The following GALNT11 variants were observed in gnomAD, a reference collection of about 807,000 sequenced individuals.
GALNT11 encodes UDP-GalNAc:polypeptide N-acetylgalactosaminyltransferase 11.
GALNT11 carries 47 observed loss-of-function variants against 72.7 expected under a neutral mutation model. The ratio of observed to expected loss-of-function variants is 0.65; its 90% CI spans 0.51 to 0.82. The LOEUF (loss-of-function observed/expected upper bound fraction) is 0.82. Ranked by LOEUF, GALNT11 falls within the 40% of genes least tolerant of loss-of-function variation. GALNT11 has a pLI of 0.00. For missense variants in GALNT11, 677 were observed against 778.4 expected, an observed-to-expected ratio of 0.87 and a Z score of 1.55; for synonymous variants, 270 against 286.6, an observed-to-expected ratio of 0.94 and a Z score of 0.58.
intron 1 of GALNT11, among the ~76,000 whole-genome samples, chr7:152,082,857 T>C (rs952238987): frequency 6.6e-6 from 1 of 152,240 alleles, no homozygotes; most frequent in African/African-American, 2.4e-5. Flanking sequence ...GGAAATGATA[T>C]TTCAATGTAA....
intron 1 of GALNT11, among the ~76,000 whole-genome samples, chr7:152,056,100 T>C (rs2083663545): frequency 6.6e-6 from 1 of 152,156 alleles, no homozygotes; most frequent in South Asian, 2.1e-4. Context: ...GTAAGTAAGC[T>C]TTTAGGATTA....
chr7:152,097,600 A>C (rs576864535), intron 2 of GALNT11, among the ~76,000 whole-genome samples: 1 of 152,380 alleles, frequency 6.6e-6, no homozygotes, highest in African/African-American at 2.4e-5. Context: ...CATGTTATCC[A>C]AATATCCATC....
chr7:152,042,270 A>C (rs536391416), intron 1 of GALNT11, among the ~76,000 whole-genome samples: 2 of 152,260 alleles, frequency 1.3e-5, no homozygotes, highest in Non-Finnish European at 2.9e-5. Flanking sequence ...TTTTGGAATC[A>C]TAGCAGGAGA....
chr7:152,110,644 G>C lies in GALNT11; in HGVS notation c.1079G>C (p.Arg360Pro), dbSNP rs760663128. 6.3e-7 allele frequency: 1 copy of C among 1,588,002 alleles called. No homozygotes were observed. The highest frequency in any genetic ancestry group is 1.3e-5 in the African/African-American group (1 of 74,164). Reference protein sequence around the residue: ...WGGENLEISFRIWMCGGKLFI... With the variant: ...WGGENLEISFPIWMCGGKLFI... Reference sequence around the variant, plus strand: ...GGAGAAAATTTGGAAATATCATTTCGGGTAATTTAATTTTTGCATGCTCAA... The same window carrying C: ...GGAGAAAATTTGGAAATATCATTTCCGGTAATTTAATTTTTGCATGCTCAA... Residue 360 changes from arginine (R) to proline (P), a missense_variant and splice_region_variant, in exon 7 of 12, where the codon CGG becomes CCG. Coordinates refer to ENST00000430044, the MANE Select transcript of GALNT11 (RefSeq NM_022087.4).
chr7:152,053,008 G>A (rs1204879531), intron 1 of GALNT11, among the ~76,000 whole-genome samples: 1 of 151,988 alleles, frequency 6.6e-6, no homozygotes, highest in African/African-American at 2.4e-5. Context: ...GACGAGTGCG[G>A]GCAGTTCTCC....
At position 152,088,103 on chromosome 7, in the gene GALNT11, G is replaced by A. The variant is rs186176561; in HGVS notation, c.-38-6087G>A. On this transcript the variant is annotated intron_variant, in intron 1 of 11. Transcript: ENST00000430044. Reference sequence around the variant, plus strand: ...TTTAGCATAGCTGGCGTGGAGCCCTGGGAATCTGTATTTTTAATAAATACT... The same window carrying A: ...TTTAGCATAGCTGGCGTGGAGCCCTAGGAATCTGTATTTTTAATAAATACT... Among the ~76,000 whole-genome samples the A allele has an allele frequency of 2.5e-3, 380 of 152,208 alleles. 8 individuals carry two copies. Among genetic ancestry groups the A allele is most frequent in the Admixed American group, 0.02 (309 of 15,284 alleles).
chr7:152,118,712 C>A lies in GALNT11; in HGVS notation c.1487C>A (p.Ala496Asp). ...YHLQTNKCLV[A>D]QGRPSQKGGL... is the part of the protein sequence containing the mutation. ...CTCCAGACCAACAAATGCCTGGTGG[C>A]CCAGGGCCGCCCAAGTCAGAAGGGA... Residue 496 changes from alanine (A) to aspartate (D), a missense_variant, in exon 10 of 12, where the codon GCC becomes GAC. By Grantham distance (126) the Ala-to-Asp change is moderately radical. Coordinates refer to ENST00000430044, the MANE Select transcript of GALNT11 (RefSeq NM_022087.4). The A allele has an allele frequency of 6.2e-7, 1 of 1,610,378 alleles. No homozygotes were observed. Among genetic ancestry groups the A allele is most frequent in the Non-Finnish European group, 8.5e-7 (1 of 1,178,458 alleles).
intron 1 of GALNT11, among the ~76,000 whole-genome samples, chr7:152,060,391 T>G (rs914592717): frequency 3.3e-5 from 5 of 152,226 alleles, no homozygotes; most frequent in African/African-American, 1.2e-4. Flanking sequence ...GTTCACAACT[T>G]GGCTGTTTGG....
At chr7:152,092,306 C>G (rs1008071944) in intron 1 of GALNT11, among the ~76,000 whole-genome samples, 5 of 151,552 alleles carry the variant, frequency 3.3e-5, no homozygotes, top group African/African-American at 1.2e-4. Flanking sequence ...TTTTTTTTGT[C>G]TTTTCATTTG....
intron 1 of GALNT11, among the ~76,000 whole-genome samples, chr7:152,052,697 A>G (rs1197788073): frequency 6.6e-6 from 1 of 152,116 alleles, no homozygotes; most frequent in Non-Finnish European, 1.5e-5. Flanking sequence ...TCCTCCACAC[A>G]GTCCTTAAAT....
intron 1 of GALNT11, among the ~76,000 whole-genome samples, chr7:152,061,976 A>G (rs1421951484): frequency 6.6e-6 from 1 of 152,224 alleles, no homozygotes; most frequent in Admixed American, 6.5e-5. Context: ...TTGGTCCCAC[A>G]TGAACTTTAA....
At chr7:152,090,793 G>A (rs2085973910) in intron 1 of GALNT11, among the ~76,000 whole-genome samples, 1 of 151,924 alleles carries the variant, frequency 6.6e-6, no homozygotes. Flanking sequence ...TCTTCTCCTC[G>A]TTGCTCTTCC....
intron 1 of GALNT11, among the ~76,000 whole-genome samples, chr7:152,049,108 C>G (rs1393538356): frequency 1.3e-5 from 2 of 150,554 alleles, no homozygotes; most frequent in Admixed American, 1.3e-4. Flanking sequence ...TCTAGCTCTC[C>G]AAGATTGGTT....
At chr7:152,052,332 A>C (rs962883899) in intron 1 of GALNT11, among the ~76,000 whole-genome samples, 6 of 151,936 alleles carry the variant, frequency 3.9e-5, no homozygotes, top group Non-Finnish European at 8.8e-5. Context: ...CAGGTATCTG[A>C]CCCGTTTTCA....
chr7:152,069,564 G>C (rs1327113158), intron 1 of GALNT11, among the ~76,000 whole-genome samples: 4 of 152,230 alleles, frequency 2.6e-5, no homozygotes, highest in Middle Eastern at 3.4e-3. Flanking sequence ...ATTTTTCTTA[G>C]TTTTGCCTCA....
intron 1 of GALNT11, among the ~76,000 whole-genome samples, chr7:152,047,381 T>C (rs1274516818): frequency 6.6e-6 from 1 of 152,086 alleles, no homozygotes; most frequent in Non-Finnish European, 1.5e-5. Context: ...GGAGAATCAC[T>C]TGAACCTGGG....
chr7:152,114,018 C>A lies in GALNT11; in HGVS notation c.1233+620C>A, dbSNP rs372481529. Among the ~76,000 whole-genome samples, 4 of 151,814 alleles carry A rather than the reference C, an allele frequency of 2.6e-5. No individual in the cohort carries two copies. In the East Asian group the frequency reaches 5.8e-4, roughly 22 times the overall value. On this transcript the variant is annotated intron_variant, in intron 8 of 11. Coordinates refer to ENST00000430044, the MANE Select transcript of GALNT11 (RefSeq NM_022087.4). Reference sequence around the variant, plus strand: ...GGCTCAAAAGATCCTCCTGCCTTGGCCTCCCGAAGTGCTGGGACTACGTGT... The same window carrying A: ...GGCTCAAAAGATCCTCCTGCCTTGGACTCCCGAAGTGCTGGGACTACGTGT...
intron 1 of GALNT11, among the ~76,000 whole-genome samples, chr7:152,061,700 C>T (rs1257698038): frequency 3.3e-5 from 5 of 152,160 alleles, no homozygotes; most frequent in African/African-American, 9.7e-5. Context: ...TATGGCTAGC[C>T]AGTTTTCCCA....
chr7:152,062,991 GGGA>G (rs1327594881), intron 1 of GALNT11, among the ~76,000 whole-genome samples: 1 of 152,198 alleles, frequency 6.6e-6, no homozygotes, highest in Non-Finnish European at 1.5e-5. Flanking sequence ...AAATGAGTTA[GGGA>G]GGATTCCCTC....
Sources: allele counts gnomAD v4.1 joint callset (sites outside exome capture counted in the v4.1 genomes callset), GRCh38; gene constraint gnomAD v4.1.1; transcripts MANE v1.5; gene names NCBI Gene and HGNC (gene_info 2026-07-23, HGNC 2026-07-21).